The following UBXN6 variants were observed in gnomAD, a reference collection of about 807,000 sequenced individuals.
The protein encoded by UBXN6 is UBX domain protein 6.
In UBXN6, 44 loss-of-function variants were observed where a neutral mutation model predicts 51.4. The observed-to-expected ratio is 0.86, with a 90% CI of 0.67 to 1.10. UBXN6 has a LOEUF of 1.10. Among genes scored for constraint, UBXN6 ranks in the 50% least tolerant of loss-of-function variants. UBXN6 has a pLI of 0.00. For synonymous variants in UBXN6, 316 were observed against 263.2 expected (o/e 1.20, Z -1.94); for missense variants, 672 against 596.1 (o/e 1.13, Z -1.32).
chr19:4,454,615 C>A (rs895012329), intron 1 of UBXN6, among the ~76,000 whole-genome samples: 1 of 152,138 alleles, frequency 6.6e-6, no homozygotes, highest in Non-Finnish European at 1.5e-5. Context: ...CAGGGTCTCG[C>A]TATGTAGCTC....
At chr19:4,456,229 C>T (rs1258815042) in intron 1 of UBXN6, among the ~76,000 whole-genome samples, 1 of 151,360 alleles carries the variant, frequency 6.6e-6, no homozygotes, top group South Asian at 2.1e-4. Flanking sequence ...CCCCCACCCA[C>T]TATTGGTTGA....
Position 4,446,917 on chromosome 19 carries a change from G to A in UBXN6, c.619C>T (p.Arg207Cys), listed in dbSNP as rs758984301. The A allele has an allele frequency of 2.2e-5, 36 of 1,613,552 alleles. No individual in the cohort carries two copies. Among genetic ancestry groups the A allele is most frequent in the South Asian group, 1.4e-4 (13 of 91,080 alleles). Residue 207 changes from arginine (R) to cysteine (C), a missense_variant, in exon 7 of 11, where the codon CGC becomes TGC. Coordinates refer to ENST00000301281, the MANE Select transcript of UBXN6 (RefSeq NM_025241.3). Reference sequence around the variant, plus strand: ...TGGGTCCCTTCCAGGCAGTTAATGCGCTCCTGGGGGTGGAGATGGGCGTCA... The same window carrying A: ...TGGGTCCCTTCCAGGCAGTTAATGCACTCCTGGGGGTGGAGATGGGCGTCA... The part of the protein sequence containing the change: ...IKLQNKVFQE[R>C]INCLEGTHEF...
Position 4,454,051 on chromosome 19 carries a change from C to T in UBXN6, c.126G>A (p.Arg42=). Residue 42 remains arginine, a synonymous_variant, in exon 2 of 11, where the codon AGG becomes AGA. Coordinates refer to ENST00000301281, the MANE Select transcript of UBXN6 (RefSeq NM_025241.3). ...HKEKPNQPAP[R]PPRQGPTNEA... is the part of the protein sequence containing the mutation. Reference sequence around the variant, plus strand: ...CATTGGTGGGTCCCTGGCGGGGCGGCCTGGGGGCTGGCTGGTTGGGCTTCT... The same window carrying T: ...CATTGGTGGGTCCCTGGCGGGGCGGTCTGGGGGCTGGCTGGTTGGGCTTCT... 6.3e-7 allele frequency: 1 copy of T among 1,584,482 alleles called. No individual in the cohort carries two copies. Among genetic ancestry groups the T allele is most frequent in the East Asian group, 2.2e-5 (1 of 44,474 alleles).
rs1408207556 is a variant in UBXN6 at position 4,446,132 on chromosome 19, C to CGCTCTGCAGG, written c.1107_1116dup (p.Asp373ProfsTer9). 2.5e-6 allele frequency: 4 copies of CGCTCTGCAGG among 1,612,230 alleles called. No individual in the cohort carries two copies. Among genetic ancestry groups the CGCTCTGCAGG allele is most frequent in the Admixed American group, 1.7e-5 (1 of 59,980 alleles). On this transcript the variant is annotated frameshift_variant, in exon 10 of 11. Transcript: ENST00000301281. LOFTEE classifies it high-confidence loss of function. ...GCCAGCAGCTCAAAAGGCAGCCAGTCGCTCTGCAGGGCCTCCCGGACGAAC... is the reference window on the plus strand; with the variant it reads ...GCCAGCAGCTCAAAAGGCAGCCAGTCGCTCTGCAGGGCTCTGCAGGGCCTCCCGGACGAAC...
chr19:4,457,394 C>T (rs1273463350), intron 1 of UBXN6, among the ~76,000 whole-genome samples: 1 of 124,214 alleles, frequency 8.1e-6, no homozygotes, highest in Non-Finnish European at 1.7e-5. Context: ...GGGTCATACC[C>T]GCCCCCTCCT....
intron 4 of UBXN6, among the ~76,000 whole-genome samples, chr19:4,451,402 G>A (rs1055493401): frequency 5.3e-5 from 8 of 152,176 alleles, no homozygotes; most frequent in African/African-American, 1.9e-4. Context: ...ACCCAGGCTG[G>A]TGTGCAGTGG....
At chr19:4,448,463 C>T (rs756701594) in intron 4 of UBXN6, 48 bp from the exon 5 acceptor site, 7 of 1,480,784 alleles carry the variant, frequency 4.7e-6, no homozygotes, top group South Asian at 1.2e-5. Flanking sequence ...GCCCGGGCCG[C>T]ACGGCCCTCC....
chr19:4,446,366 C>T lies in UBXN6; in HGVS notation c.968G>A (p.Arg323Gln), dbSNP rs267605469. ...RLSVLRTKAM[R>Q]EKEEQRGLRK... ...CAGCCCCCGCTGCTCCTCCTTCTCCCGCATGGCCTTGGTCCGCAGCACGCT... is the reference window on the plus strand; with the variant it reads ...CAGCCCCCGCTGCTCCTCCTTCTCCTGCATGGCCTTGGTCCGCAGCACGCT... The change falls in exon 9 of 11, where the codon CGG becomes CAG. Residue 323 changes from arginine (R) to glutamine (Q), a missense_variant. Arg to Gln is a conservative substitution (Grantham distance 43). Coordinates refer to ENST00000301281, the MANE Select transcript of UBXN6 (RefSeq NM_025241.3). 8.3e-6 allele frequency: 13 copies of T among 1,573,518 alleles called. No homozygotes were observed. Among genetic ancestry groups the T allele is most frequent in the Middle Eastern group, 1.7e-4 (1 of 6,052 alleles).
intron 4 of UBXN6, chr19:4,449,128 C>G (rs974297842): frequency 1.3e-5 from 2 of 152,764 alleles, no homozygotes; most frequent in Non-Finnish European, 1.5e-5. Flanking sequence ...AGTACGTACC[C>G]TAAGACCTGG....
Position 4,454,019 on chromosome 19 carries a change from T to A in UBXN6, c.158A>T (p.Gln53Leu), listed in dbSNP as rs1427554550. Residue 53 changes from glutamine to leucine, a missense_variant, in exon 2 of 11, where the codon CAG becomes CTG. By Grantham distance (113) the Gln-to-Leu change is moderately radical. Coordinates refer to ENST00000301281, the MANE Select transcript of UBXN6 (RefSeq NM_025241.3). ...GGCTAGGGCGGCAGCGGCTGCCATC[T>A]GTGCCTCATTGGTGGGTCCCTGGCG... The part of the protein sequence containing the change: ...PPRQGPTNEA[Q>L]MAAAAALARL... 5 of 1,604,746 alleles carry A rather than the reference T, an allele frequency of 3.1e-6. No homozygotes were observed. In the African/African-American group the frequency reaches 4.0e-5, roughly 13 times the overall value.
chr19:4,447,526 C>A, intron 6 of UBXN6, 24 bp downstream of exon 6: 1 of 1,612,700 alleles, frequency 6.2e-7, no homozygotes, highest in South Asian at 1.1e-5. Flanking sequence ...AGCCTGGGCC[C>A]CGGGGGCCAG....
chr19:4,447,052 G>T, intron 6 of UBXN6, 132 bp from the exon 7 acceptor site: 1 of 851,800 alleles, frequency 1.2e-6, no homozygotes. Context: ...CCAGCCCTGG[G>T]GGTGCCTCAG....
At position 4,446,895 on chromosome 19, in the gene UBXN6, G is replaced by T; in HGVS notation, c.641C>A (p.Thr214Asn). The change falls in exon 7 of 11, where the codon ACC (threonine) becomes AAC (asparagine). Residue 214 changes from threonine to asparagine, a missense_variant. Thr to Asn is a moderately conservative substitution (Grantham distance 65). Transcript: ENST00000301281. ...CCCAATGGCCTCAAAAAACTCGTGG[G>T]TCCCTTCCAGGCAGTTAATGCGCTC... ...FQERINCLEG[T>N]HEFFEAIGFQ... 1 of 1,613,998 alleles carries T rather than the reference G, an allele frequency of 6.2e-7. No individual in the cohort carries two copies. Among genetic ancestry groups the T allele is most frequent in the Non-Finnish European group, 8.5e-7 (1 of 1,180,018 alleles).
intron 6 of UBXN6, 55 bp downstream of exon 6, chr19:4,447,495 A>G: frequency 6.3e-7 from 1 of 1,598,388 alleles, no homozygotes; most frequent in African/African-American, 1.3e-5. Flanking sequence ...CGGCTCCTGC[A>G]GGCCAGCTGC....
Position 4,445,126 on chromosome 19 carries a change from G to A in UBXN6, c.*372C>T. 4.0e-6 allele frequency: 1 copy of A among 247,236 alleles called. No homozygotes were observed. Among genetic ancestry groups the A allele is most frequent in the Non-Finnish European group, 8.0e-6 (1 of 125,076 alleles). The allele number at this position is 247,236 out of a possible 1,614,324, so 15.3% of individuals were successfully genotyped here. On this transcript the variant is annotated 3_prime_UTR_variant, in exon 11 of 11. Coordinates refer to ENST00000301281, the MANE Select transcript of UBXN6 (RefSeq NM_025241.3). ...ATCCACAGAGCAGCCCTAGTGCCAG[G>A]TGCAGCCACTGCCACCCACGGCACA...
chr19:4,457,602 G>T lies in UBXN6; in HGVS notation c.83+13C>A. 6.3e-7 allele frequency: 1 copy of T among 1,588,552 alleles called. No homozygotes were observed. On this transcript the variant is annotated intron_variant, in intron 1 of 10. Transcript: ENST00000301281. ...GCCCCGCAGGGCCTCAAGCCCCTGC[G>T]TTCCTCACGCACCCCACGGACTCTT... is the stretch of plus-strand genomic sequence containing the variant.
chr19:4,454,601 G>A lies in UBXN6; in HGVS notation c.84-508C>T, dbSNP rs183262169. Among the ~76,000 whole-genome samples the A allele has an allele frequency of 1.9e-4, 29 of 152,130 alleles. No individual in the cohort carries two copies. The East Asian group carries it at 5.2e-3, about 27-fold the overall frequency. On this transcript the variant is annotated intron_variant, in intron 1 of 10. Transcript: ENST00000301281. Reference sequence around the variant, plus strand: ...ATCATGCCTGGCTAATTTTTCTATCGAGACAGGGTCTCGCTATGTAGCTCA... The same window carrying A: ...ATCATGCCTGGCTAATTTTTCTATCAAGACAGGGTCTCGCTATGTAGCTCA...
intron 1 of UBXN6, among the ~76,000 whole-genome samples, chr19:4,456,641 G>A (rs368543843): frequency 9.2e-5 from 14 of 152,126 alleles, no homozygotes; most frequent in African/African-American, 3.1e-4. Flanking sequence ...CTCCCAGCTG[G>A]CTCAGCCCTG....
At chr19:4,451,878 G>A (rs966910448) in intron 4 of UBXN6, among the ~76,000 whole-genome samples, 1 of 152,064 alleles carries the variant, frequency 6.6e-6, no homozygotes, top group Non-Finnish European at 1.5e-5. Context: ...GGCCACGCGT[G>A]GTGGCTCACG....
Sources: allele counts gnomAD v4.1 joint callset (sites outside exome capture counted in the v4.1 genomes callset), GRCh38; gene constraint gnomAD v4.1.1; transcripts MANE v1.5; gene names NCBI Gene and HGNC (gene_info 2026-07-23, HGNC 2026-07-21).